The following ADARB1 variants were observed in gnomAD, a reference collection of about 807,000 sequenced individuals.
The protein encoded by ADARB1 is adenosine deaminase RNA specific B1.
Under a neutral mutation model 52.4 loss-of-function variants are expected in ADARB1, and 10 were observed. The observed-to-expected ratio is 0.19, with a 90% CI of 0.12 to 0.32. ADARB1 has a LOEUF of 0.32. Ranked by LOEUF, ADARB1 falls within the 10% of genes least tolerant of loss-of-function variation. ADARB1 has a pLI of 1.00. For missense variants in ADARB1, 643 were observed against 922.3 expected, an observed-to-expected ratio of 0.70 and a Z score of 3.92; for synonymous variants, 349 against 371.1, an observed-to-expected ratio of 0.94 and a Z score of 0.68.
chr21:45,113,497 ATGTGTGTGTGTGTGTG>A (rs35666010), intron 1 of ADARB1, among the ~76,000 whole-genome samples: 1 of 146,294 alleles, frequency 6.8e-6, no homozygotes, highest in Non-Finnish European at 1.5e-5. Context: ...GTGTGTATAT[ATGTGTGTGTGTGTGTG>A]TGTGTGTGTG....
chr21:45,218,443 T>A (rs2092907076), intron 9 of ADARB1, among the ~76,000 whole-genome samples: 1 of 152,256 alleles, frequency 6.6e-6, no homozygotes, highest in African/African-American at 2.4e-5. Flanking sequence ...GTCAGGCACT[T>A]TTCCATTCTC....
intron 8 of ADARB1, among the ~76,000 whole-genome samples, chr21:45,191,866 ATATATATATATATATTTTTTTTTTT>A (rs1481699557): frequency 3.0e-3 from 41 of 13,692 alleles, no homozygotes; most frequent in African/African-American, 8.2e-3. Context: ...ATATATATAT[ATATATATATATATATTTTTTTTTTT>A]TTTTTTTTTT....
chr21:45,211,784 G>A lies in ADARB1; in HGVS notation c.1747+7048G>A, dbSNP rs371718282. ...TTGCTTTTATTGGTTTCTGTACCGC[G>A]GCCTGGGATTAACTCATTACCCTAG... On this transcript the variant is annotated intron_variant, in intron 9 of 10. Coordinates refer to ENST00000348831, the MANE Select transcript of ADARB1 (RefSeq NM_001112.4). Among the ~76,000 whole-genome samples, 92 of 152,240 alleles carry A rather than the reference G, an allele frequency of 6.0e-4. 1 individual carries two copies. In the South Asian group the frequency reaches 9.5e-3, roughly 16 times the overall value.
intron 1 of ADARB1, among the ~76,000 whole-genome samples, chr21:45,104,360 T>G (rs1159453062): frequency 2.0e-5 from 3 of 152,146 alleles, no homozygotes; most frequent in Non-Finnish European, 4.4e-5. Context: ...AGGAGCATTG[T>G]CAGGGAAGAG....
intron 1 of ADARB1, among the ~76,000 whole-genome samples, chr21:45,077,664 C>T (rs991005771): frequency 7.5e-5 from 11 of 146,438 alleles, no homozygotes; most frequent in African/African-American, 2.3e-4. Flanking sequence ...GAGACGCCGT[C>T]TAAAAAAAAA....
chr21:45,081,315 C>T (rs2086140722), intron 1 of ADARB1, among the ~76,000 whole-genome samples: 1 of 152,140 alleles, frequency 6.6e-6, no homozygotes, highest in Non-Finnish European at 1.5e-5. Context: ...ACACACGGAC[C>T]CGGCTTATGA....
intron 1 of ADARB1, among the ~76,000 whole-genome samples, chr21:45,082,367 T>C (rs1012538203): frequency 2.0e-5 from 3 of 152,256 alleles, no homozygotes; most frequent in Non-Finnish European, 4.4e-5. Context: ...TGTATCACTT[T>C]CACACCATCA....
At chr21:45,108,003 A>G (rs565712649) in intron 1 of ADARB1, among the ~76,000 whole-genome samples, 23 of 152,272 alleles carry the variant, frequency 1.5e-4, no homozygotes, top group Non-Finnish European at 2.1e-4. Context: ...TAAGGTTGCA[A>G]TGAGCCATGA....
In ADARB1 at chr21:45,138,941, G is replaced by A. The variant is rs528177553; in HGVS notation, c.-48+10368G>A. On this transcript the variant is annotated intron_variant, in intron 2 of 10. Coordinates refer to ENST00000348831, the MANE Select transcript of ADARB1 (RefSeq NM_001112.4). ...TGTCTTCTTTTTTTTTTTTTTTTAA[G>A]ACAGAGTCTCGCTCTGTTGCCTAGG... is the stretch of plus-strand genomic sequence containing the variant. 6.4e-5 allele frequency among the ~76,000 whole-genome samples: 9 copies of A among 140,326 alleles called. No homozygotes were observed. The South Asian group carries it at 2.1e-3, about 33-fold the overall frequency. The allele number at this position is 140,326 out of a possible 152,430, so 92.1% of individuals were successfully genotyped here. A position where few individuals can be genotyped will look rare whatever the true frequency, so the allele number is the denominator to read the frequency against.
chr21:45,176,388 A>T lies in ADARB1; in HGVS notation c.687A>T (p.Pro229=). ...QPPLPVLPPF[P]PPSGKNPVMI... is the part of the protein sequence containing the mutation. Reference sequence around the variant, plus strand: ...CTCTCCCTGTCTTACCACCATTCCCACCCCCGAGTGGGAAGAATCCCGTGA... The same window carrying T: ...CTCTCCCTGTCTTACCACCATTCCCTCCCCCGAGTGGGAAGAATCCCGTGA... The change falls in exon 4 of 11, where the codon CCA becomes CCT. Residue 229 remains proline, a synonymous_variant. Transcript: ENST00000348831. This position sits in a 1 kb window ranked among gnomAD's most constrained non-coding sequence, Gnocchi z 5.8. 1.9e-6 allele frequency: 3 copies of T among 1,613,398 alleles called. No individual in the cohort carries two copies. The highest frequency in any genetic ancestry group is 2.5e-6 in the Non-Finnish European group (3 of 1,179,842).
At chr21:45,215,707 GTTA>G (rs2092849744) in intron 9 of ADARB1, among the ~76,000 whole-genome samples, 1 of 152,084 alleles carries the variant, frequency 6.6e-6, no homozygotes, top group Admixed American at 6.6e-5. Flanking sequence ...ACGTTATATG[GTTA>G]TTATGTGCTA....
At position 45,220,275 on chromosome 21, in the gene ADARB1, C is replaced by T. The variant is rs9976990; in HGVS notation, c.1748-561C>T. Among the ~76,000 whole-genome samples, 1,012 of 152,234 alleles carry T rather than the reference C, an allele frequency of 6.6e-3. 13 individuals carry two copies. Among genetic ancestry groups the T allele is most frequent in the African/African-American group, 0.022 (906 of 41,534 alleles). ...ATTTTCCATGAACTTTTTCAAGACT[C>T]TTGTTAAGAATTAGGGTTTCCTATT... On this transcript the variant is annotated intron_variant, in intron 9 of 10. Coordinates refer to ENST00000348831, the MANE Select transcript of ADARB1 (RefSeq NM_001112.4). The surrounding 1 kb of genome is among the most constrained non-coding windows in gnomAD (Gnocchi z 6.3).
intron 2 of ADARB1, among the ~76,000 whole-genome samples, chr21:45,164,421 G>C (rs1360652070): frequency 6.6e-6 from 1 of 152,050 alleles, no homozygotes; most frequent in Non-Finnish European, 1.5e-5. Context: ...CCGGGGTGGA[G>C]GGGTGGAGGA....
Position 45,106,544 on chromosome 21 carries a change from C to T in ADARB1, c.-219-21858C>T, listed in dbSNP as rs192924308. Among the ~76,000 whole-genome samples, 10 of 152,292 alleles carry T rather than the reference C, an allele frequency of 6.6e-5. No individual in the cohort carries two copies. The East Asian group carries it at 1.9e-3, about 29-fold the overall frequency. On this transcript the variant is annotated intron_variant, in intron 1 of 10. Transcript: ENST00000348831. ...CACAGGCCTTGGGGCTTTTAGCTGTCCCCCTTTTCTCTTACTCTCCGGATG... is the reference window on the plus strand; with the variant it reads ...CACAGGCCTTGGGGCTTTTAGCTGTTCCCCTTTTCTCTTACTCTCCGGATG...
rs763381312 is a variant in ADARB1 at position 45,176,612 on chromosome 21, C to T, written c.911C>T (p.Thr304Met). ...AAIFNLHLDQ[T>M]PSRQPIPSEG... ...ATTTTTAACTTGCACTTGGATCAGACGCCATCTCGCCAGCCTATTCCCAGT... is the reference window on the plus strand; with the variant it reads ...ATTTTTAACTTGCACTTGGATCAGATGCCATCTCGCCAGCCTATTCCCAGT... The change falls in exon 4 of 11, where the codon ACG becomes ATG. Residue 304 changes from threonine (T) to methionine (M), a missense_variant. Transcript: ENST00000348831. The surrounding 1 kb of genome is among the most constrained non-coding windows in gnomAD (Gnocchi z 5.8). 4 of 1,613,882 alleles carry T rather than the reference C, an allele frequency of 2.5e-6. No individual in the cohort carries two copies. Among genetic ancestry groups the T allele is most frequent in the East Asian group, 2.2e-5 (1 of 44,890 alleles).
intron 2 of ADARB1, among the ~76,000 whole-genome samples, chr21:45,135,574 C>T (rs1036293716): frequency 3.3e-5 from 5 of 152,138 alleles, no homozygotes; most frequent in Non-Finnish European, 5.9e-5. Context: ...AAACCGTGAG[C>T]GGTAGATAGA....
At chr21:45,124,549 T>C (rs544981303) in intron 1 of ADARB1, among the ~76,000 whole-genome samples, 31 of 152,026 alleles carry the variant, frequency 2.0e-4, no homozygotes, top group Non-Finnish European at 4.1e-4. Flanking sequence ...TAATTTTCTT[T>C]ATTTTTTTTG....
At chr21:45,170,520 G>A (rs965877929) in intron 2 of ADARB1, among the ~76,000 whole-genome samples, 5 of 151,882 alleles carry the variant, frequency 3.3e-5, no homozygotes, top group African/African-American at 1.2e-4. Flanking sequence ...CAACACATTT[G>A]CCTGAAATAT....
intron 2 of ADARB1, among the ~76,000 whole-genome samples, chr21:45,170,555 G>C (rs2091438636): frequency 6.6e-6 from 1 of 151,648 alleles, no homozygotes; most frequent in African/African-American, 2.4e-5. Context: ...TTATTAACAT[G>C]ATTTCATGAA....
Sources: allele counts gnomAD v4.1 joint callset (sites outside exome capture counted in the v4.1 genomes callset), GRCh38; gene constraint gnomAD v4.1.1; non-coding constraint Gnocchi (gnomAD v3.1); transcripts MANE v1.5; gene names NCBI Gene and HGNC (gene_info 2026-07-23, HGNC 2026-07-21).